ARHGAP6: variants seen among roughly 807,000 people sequenced by gnomAD.
ARHGAP6 encodes Rho GTPase activating protein 6.
ARHGAP6 carries 16 observed loss-of-function variants against 55.7 expected under a neutral mutation model. The observed-to-expected ratio is 0.29, with a 90% CI of 0.19 to 0.44. The LOEUF (loss-of-function observed/expected upper bound fraction) is 0.44, where lower values mean the gene tolerates loss of function less well. Ranked by LOEUF, ARHGAP6 falls within the 20% of genes least tolerant of loss-of-function variation. The probability of loss-of-function intolerance (pLI) is 1.00; values close to 1 mark genes in which losing one functional copy is unlikely to be tolerated. For missense variants in ARHGAP6, 698 were observed against 808.9 expected (o/e 0.86, Z 1.66); for synonymous variants, 382 against 360.9 (o/e 1.06, Z -0.66).
At chrX:11,425,619 A>G (rs2147782343) in intron 1 of ARHGAP6, among the ~76,000 whole-genome samples, 1 of 112,117 alleles carries the variant, frequency 8.9e-6, no homozygotes, top group South Asian at 3.7e-4. Context: ...AATCTGTACT[A>G]GAATAAAGGG....
At chrX:11,174,576 T>TCCTTTCTTTCTTTC (rs1569241212) in intron 8 of ARHGAP6, among the ~76,000 whole-genome samples, 3 of 78,166 alleles carry the variant, frequency 3.8e-5, no homozygotes, top group African/African-American at 4.7e-5. Flanking sequence ...CTTCCTTCCT[T>TCCTTTCTTTCTTTC]TCTTTCTTTC....
intron 8 of ARHGAP6, among the ~76,000 whole-genome samples, chrX:11,170,784 G>C (rs1469928897): frequency 9.0e-6 from 1 of 111,618 alleles, no homozygotes; most frequent in Admixed American, 9.5e-5. Context: ...AACATGAAGG[G>C]CTGAAAAGGG....
chrX:11,566,898 C>T (rs1362601199), intron 1 of ARHGAP6, among the ~76,000 whole-genome samples: 2 of 111,691 alleles, frequency 1.8e-5, no homozygotes, highest in Non-Finnish European at 3.8e-5. Context: ...TTATGGCTTA[C>T]AGCATGCTCA....
chrX:11,518,462 C>CTTTTTTTTTTTTTT (rs368595944), intron 1 of ARHGAP6, among the ~76,000 whole-genome samples: 1 of 74,930 alleles, frequency 1.3e-5, no homozygotes, highest in Admixed American at 1.6e-4. Context: ...TTTTTTTTTT[C>CTTTTTTTTTTTTTT]TTTTTTTTTT....
rs185877125 is a variant in ARHGAP6 at position 11,276,820 on chromosome X, G to T, written c.589-22113C>A. On this transcript the variant is annotated intron_variant, in intron 1 of 12. Transcript: ENST00000337414. ...GAAAATCATGCTTTCTCTGAGCAAT[G>T]AAGCATATTGAAATTTACATTTTCA... 2.5e-3 allele frequency among the ~76,000 whole-genome samples: 286 copies of T among 112,328 alleles called. 1 individual carries two copies. Among genetic ancestry groups the T allele is most frequent in the Admixed American group, 0.025 (268 of 10,610 alleles).
intron 2 of ARHGAP6, among the ~76,000 whole-genome samples, chrX:11,197,438 T>C (rs961924275): frequency 8.9e-6 from 1 of 112,216 alleles, no homozygotes; most frequent in Non-Finnish European, 1.9e-5. Context: ...TGGAGGTCCA[T>C]AGAACTTAGG....
intron 1 of ARHGAP6, among the ~76,000 whole-genome samples, chrX:11,328,573 C>T (rs1213645499): frequency 8.9e-6 from 1 of 112,045 alleles, no homozygotes; most frequent in Non-Finnish European, 1.9e-5. Flanking sequence ...TTTTCTGTCA[C>T]GTCTCAGGGT....
Position 11,139,280 on chromosome X carries a change from C to T in ARHGAP6, c.2508G>A (p.Arg836=), listed in dbSNP as rs1357345485. The change falls in exon 13 of 13, where the codon AGG becomes AGA. Residue 836 remains arginine (R), a synonymous_variant. Transcript: ENST00000337414. ...VAGKAERPTA[R]SEQYLTLSGA... is the part of the protein sequence containing the mutation. ...CGCTCAGGGTCAAGTACTGCTCCGA[C>T]CTGGCCGTGGGCCGCTCGGCTTTCC... 2 of 1,192,325 alleles carry T rather than the reference C, an allele frequency of 1.7e-6. No homozygotes were observed. Among genetic ancestry groups the T allele is most frequent in the South Asian group, 3.6e-5 (2 of 54,830 alleles).
intron 1 of ARHGAP6, among the ~76,000 whole-genome samples, chrX:11,573,060 A>T (rs2051547262): frequency 9.0e-6 from 1 of 110,981 alleles, no homozygotes; most frequent in African/African-American, 3.3e-5. Context: ...AATTTGTTTG[A>T]GTTCATTGTA....
intron 2 of ARHGAP6, among the ~76,000 whole-genome samples, chrX:11,234,431 T>C (rs2047172517): frequency 8.9e-6 from 1 of 112,654 alleles, no homozygotes; most frequent in African/African-American, 3.2e-5. Flanking sequence ...ATGCATTTTT[T>C]CCATTGCCAA....
intron 2 of ARHGAP6, among the ~76,000 whole-genome samples, chrX:11,244,316 T>A (rs749049849): frequency 8.9e-6 from 1 of 111,873 alleles, no homozygotes; most frequent in South Asian, 3.7e-4. Flanking sequence ...ACTAAAGCAG[T>A]CACAGGCAAT....
rs188729400 is a variant in ARHGAP6 at position 11,455,034 on chromosome X, T to G, written c.589-200327A>C. Among the ~76,000 whole-genome samples the G allele has an allele frequency of 3.6e-5, 4 of 111,605 alleles. No individual in the cohort carries two copies. The East Asian group carries it at 1.1e-3, about 31-fold the overall frequency. On this transcript the variant is annotated intron_variant, in intron 1 of 12. Coordinates refer to ENST00000337414, the MANE Select transcript of ARHGAP6 (RefSeq NM_013427.3). The stretch of plus-strand genomic sequence containing the variant: ...AAACCAACACTTAATTGCTCTTGAG[T>G]TTTCCTAGACTCTATTTCCTTATTA...
At chrX:11,263,305 A>G (rs756457777) in intron 1 of ARHGAP6, among the ~76,000 whole-genome samples, 1 of 111,133 alleles carries the variant, frequency 9.0e-6, no homozygotes, top group Non-Finnish European at 1.9e-5. Context: ...AGTACAAGTT[A>G]CCCAAGGGCA....
At chrX:11,445,511 C>T (rs1178074762) in intron 1 of ARHGAP6, among the ~76,000 whole-genome samples, 1 of 112,055 alleles carries the variant, frequency 8.9e-6, no homozygotes, top group Non-Finnish European at 1.9e-5. Flanking sequence ...CCCCTTCCCT[C>T]CAAGACTCAA....
rs183671599 is a variant in ARHGAP6, at chrX:11,276,050, C to T, written c.589-21343G>A. On this transcript the variant is annotated intron_variant, in intron 1 of 12. Transcript: ENST00000337414. ...TTAAAGAAGGCGAATCTGCTTCTTT[C>T]AAGGTTCCAAATGACCTAGACACTT... 1.9e-3 allele frequency among the ~76,000 whole-genome samples: 211 copies of T among 111,679 alleles called. 1 individual carries two copies. Among genetic ancestry groups the T allele is most frequent in the African/African-American group, 5.9e-3 (182 of 30,829 alleles).
intron 1 of ARHGAP6, among the ~76,000 whole-genome samples, chrX:11,405,106 A>G (rs758167135): frequency 7.2e-5 from 8 of 111,745 alleles, no homozygotes; most frequent in African/African-American, 2.3e-4. Flanking sequence ...CTGCCCCTCC[A>G]GCAAACGTTA....
At chrX:11,435,565 C>T (rs2049979933) in intron 1 of ARHGAP6, among the ~76,000 whole-genome samples, 1 of 111,820 alleles carries the variant, frequency 8.9e-6, no homozygotes, top group Non-Finnish European at 1.9e-5. Flanking sequence ...TTCCTTGCAG[C>T]ACCACACCAT....
At chrX:11,335,831 GCCA>G (rs1221243995) in intron 1 of ARHGAP6, 82 of 244,310 alleles carry the variant, frequency 3.4e-4, no homozygotes, top group African/African-American at 2.1e-3. Context: ...TCTGGCAGAG[GCCA>G]TGGTGGGGAG....
intron 2 of ARHGAP6, among the ~76,000 whole-genome samples, chrX:11,209,108 C>T (rs1185981149): frequency 1.8e-5 from 2 of 111,894 alleles, no homozygotes; most frequent in African/African-American, 3.2e-5. Flanking sequence ...ATAATCACTA[C>T]GTAAGATTAT....
Sources: gnomAD v4.1 joint callset for allele counts (sites outside exome capture counted in the v4.1 genomes callset) on GRCh38, gnomAD v4.1.1 for gene constraint, MANE v1.5 for transcripts, NCBI Gene and HGNC (gene_info 2026-07-23, HGNC 2026-07-21) for gene names.